The following MDGA2 variants were observed in gnomAD, a reference collection of about 807,000 sequenced individuals.
The protein encoded by MDGA2 is MAM domain containing glycosylphosphatidylinositol anchor 2.
A neutral mutation model predicts 117.8 loss-of-function variants in MDGA2; 40 were observed. The ratio of observed to expected loss-of-function variants is 0.34; its 90% confidence interval spans 0.26 to 0.44. MDGA2 has a LOEUF of 0.44. Ranked by LOEUF, MDGA2 falls within the 20% of genes least tolerant of loss-of-function variation. The pLI is 1.00. For missense variants in MDGA2, 1,123 were observed against 1,250.6 expected (o/e 0.90, Z 1.54); for synonymous variants, 452 against 439.0 (o/e 1.03, Z -0.37).
At chr14:47,673,692 G>A (rs1385642305) in intron 1 of MDGA2, among the ~76,000 whole-genome samples, 1 of 146,668 alleles carries the variant, frequency 6.8e-6, no homozygotes, top group Non-Finnish European at 1.5e-5. Context: ...AAAGCTAAGG[G>A]TGCCAACTGC....
At chr14:47,153,134 A>G (rs559834599) in intron 3 of MDGA2, among the ~76,000 whole-genome samples, 2 of 152,340 alleles carry the variant, frequency 1.3e-5, no homozygotes, top group South Asian at 4.1e-4. Context: ...CCATTCCATT[A>G]CTTTTTTAGC....
intron 1 of MDGA2, among the ~76,000 whole-genome samples, chr14:47,419,464 T>C (rs573634446): frequency 1.2e-4 from 18 of 152,082 alleles, no homozygotes; most frequent in African/African-American, 3.9e-4. Context: ...ATGAGAAAAA[T>C]GTATAAAATA....
chr14:47,381,184 T>A (rs1297735768), intron 1 of MDGA2, among the ~76,000 whole-genome samples: 1 of 152,150 alleles, frequency 6.6e-6, no homozygotes, highest in African/African-American at 2.4e-5. Context: ...AAACTCTCAA[T>A]AAACTAGGTA....
intron 1 of MDGA2, among the ~76,000 whole-genome samples, chr14:47,451,568 A>G (rs1893241490): frequency 6.6e-6 from 1 of 152,118 alleles, no homozygotes; most frequent in South Asian, 2.1e-4. Flanking sequence ...TGTATATGTG[A>G]CAGTCTACCA....
At chr14:47,614,532 A>G (rs1175304278) in intron 1 of MDGA2, among the ~76,000 whole-genome samples, 1 of 152,230 alleles carries the variant, frequency 6.6e-6, no homozygotes, top group African/African-American at 2.4e-5. Flanking sequence ...GATAAATTAT[A>G]GATTAATTTT....
chr14:47,655,383 C>T (rs1329899826), intron 1 of MDGA2, among the ~76,000 whole-genome samples: 1 of 152,108 alleles, frequency 6.6e-6, no homozygotes, highest in Non-Finnish European at 1.5e-5. Flanking sequence ...CTTTTCTGTC[C>T]TCTGCCATAA....
chr14:47,153,719 A>T (rs1278486261), intron 3 of MDGA2, among the ~76,000 whole-genome samples: 1 of 151,908 alleles, frequency 6.6e-6, no homozygotes, highest in Non-Finnish European at 1.5e-5. Context: ...TAAAAAAAAA[A>T]AAAAAACAGT....
At chr14:47,337,929 CTT>C (rs1224349516) in intron 1 of MDGA2, among the ~76,000 whole-genome samples, 2 of 152,056 alleles carry the variant, frequency 1.3e-5, no homozygotes, top group Non-Finnish European at 2.9e-5. Flanking sequence ...TTGAAAATAT[CTT>C]GTTTCCCATG....
rs1266247968 is a variant in MDGA2 at position 46,955,393 on chromosome 14, ACCAT to A, written c.2089+1977_2089+1980del. ...AACCTCATAAAACTGCTATGACTTC[ACCAT>A]TAAAATACGAGTAAATAAAATATAT... On this transcript the variant is annotated intron_variant, in intron 9 of 16. Coordinates refer to ENST00000399232, the MANE Select transcript of MDGA2 (RefSeq NM_001113498.3). Among the ~76,000 whole-genome samples, 8 of 152,236 alleles carry A rather than the reference ACCAT, an allele frequency of 5.3e-5. No individual in the cohort carries two copies. The East Asian group carries it at 1.5e-3, about 29-fold the overall frequency.
At position 47,203,881 on chromosome 14, in the gene MDGA2, C is replaced by T. The variant is rs143436093; in HGVS notation, c.595+14140G>A. ...TGAGAAGGAAACTTATCTAAAAATA[C>T]TTCCTGAGGATACACTCTAATTGCA... On this transcript the variant is annotated intron_variant, in intron 3 of 16. Coordinates refer to ENST00000399232, the MANE Select transcript of MDGA2 (RefSeq NM_001113498.3). 7.9e-5 allele frequency among the ~76,000 whole-genome samples: 12 copies of T among 152,084 alleles called. No homozygotes were observed. The East Asian group carries it at 2.3e-3, about 29-fold the overall frequency.
intron 2 of MDGA2, chr14:47,299,219 T>C (rs184560477): frequency 6.6e-5 from 10 of 152,312 alleles, no homozygotes; most frequent in Admixed American, 2.0e-4. Context: ...TTTGTACTCC[T>C]GATTGTGAAT....
chr14:47,551,275 C>A (rs142631262), intron 1 of MDGA2, among the ~76,000 whole-genome samples: 1 of 152,046 alleles, frequency 6.6e-6, no homozygotes, highest in East Asian at 1.9e-4. Flanking sequence ...TATCACAGAC[C>A]AGCCTTTAAC....
intron 1 of MDGA2, among the ~76,000 whole-genome samples, chr14:47,412,036 G>A (rs1892384278): frequency 6.6e-6 from 1 of 152,144 alleles, no homozygotes; most frequent in Non-Finnish European, 1.5e-5. Flanking sequence ...GTAACCCAGT[G>A]AAGTCTAGCA....
At chr14:47,269,649 GAC>G (rs1161076706) in intron 2 of MDGA2, among the ~76,000 whole-genome samples, 1 of 152,086 alleles carries the variant, frequency 6.6e-6, no homozygotes, top group African/African-American at 2.4e-5. Flanking sequence ...TAAAGTATAT[GAC>G]AGACTCTAGA....
intron 1 of MDGA2, among the ~76,000 whole-genome samples, chr14:47,407,094 T>C (rs1477467098): frequency 6.6e-6 from 1 of 152,116 alleles, no homozygotes; most frequent in East Asian, 1.9e-4. Flanking sequence ...AAGGTTGCAA[T>C]GAATAGGTGT....
At chr14:46,921,247 TAA>T (rs1206785872) in intron 9 of MDGA2, among the ~76,000 whole-genome samples, 3 of 152,202 alleles carry the variant, frequency 2.0e-5, no homozygotes, top group African/African-American at 7.2e-5. Flanking sequence ...CAATTCTTAA[TAA>T]GTTAAAAGCT....
intron 1 of MDGA2, among the ~76,000 whole-genome samples, chr14:47,350,382 A>T (rs923066339): frequency 6.6e-6 from 1 of 152,228 alleles, no homozygotes; most frequent in Non-Finnish European, 1.5e-5. Flanking sequence ...GCTACAGCAT[A>T]GACAGGGATA....
At chr14:47,037,915 A>G (rs115090745) in intron 7 of MDGA2, among the ~76,000 whole-genome samples, 2,860 of 152,228 alleles carry the variant, frequency 0.019, 93 homozygotes, top group African/African-American at 0.065. Flanking sequence ...CACCGTCTGT[A>G]TTAATTTTAC....
rs187200763 is a variant in MDGA2, at chr14:47,236,156, T to A, written c.421-17961A>T. Among the ~76,000 whole-genome samples, 6 of 151,768 alleles carry A rather than the reference T, an allele frequency of 4.0e-5. No individual in the cohort carries two copies. In the East Asian group the frequency reaches 1.2e-3, roughly 29 times the overall value. ...AAATACAAAAATTAGCCGGGCATAG[T>A]GGCGGGCGCCTGTAGTCCCAGCTGC... On this transcript the variant is annotated intron_variant, in intron 2 of 16. Transcript: ENST00000399232.
Sources: gnomAD v4.1 joint callset for allele counts (sites outside exome capture counted in the v4.1 genomes callset) on GRCh38, gnomAD v4.1.1 for gene constraint, MANE v1.5 for transcripts, NCBI Gene and HGNC (gene_info 2026-07-23, HGNC 2026-07-21) for gene names.